Variants in REEP5 observed in about 807,000 individuals in gnomAD.
REEP5 encodes the protein receptor accessory protein 5, also known as receptor expression-enhancing protein 5.
In REEP5, 24 loss-of-function variants were observed where a neutral mutation model predicts 22.4. That is an observed-to-expected ratio of 1.07 (90% CI 0.78 to 1.51). The LOEUF is 1.51. Ranked by LOEUF, REEP5 falls within the 40% of genes most tolerant of loss-of-function variation. The pLI, the probability that REEP5 is intolerant of heterozygous loss-of-function variation, is 0.00. For synonymous variants in REEP5, 103 were observed against 88.6 expected, an observed-to-expected ratio of 1.16 and a Z score of -0.92; for missense variants, 252 against 233.0, an observed-to-expected ratio of 1.08 and a Z score of -0.53.
At chr5:112,879,339 G>C (rs1321409550) in intron 4 of REEP5, among the ~76,000 whole-genome samples, 1 of 81,272 alleles carries the variant, frequency 1.2e-5, no homozygotes, top group South Asian at 3.8e-4. Flanking sequence ...GGGGGGGGCT[G>C]GGGGGGCGGT....
At chr5:112,883,128 G>A (rs1246709920) in intron 4 of REEP5, among the ~76,000 whole-genome samples, 1 of 152,056 alleles carries the variant, frequency 6.6e-6, no homozygotes, top group African/African-American at 2.4e-5. Context: ...CCTACCTTAA[G>A]AAAAAAACTT....
intron 4 of REEP5, 109 bp from the exon 5 acceptor site, chr5:112,878,944 A>T: frequency 6.5e-7 from 1 of 1,547,090 alleles, no homozygotes; most frequent in Non-Finnish European, 8.9e-7. Flanking sequence ...AACTTGGATG[A>T]CTCATGTTCA....
intron 4 of REEP5, chr5:112,885,138 T>G (rs114189993): frequency 1.3e-4 from 22 of 168,034 alleles, no homozygotes; most frequent in Non-Finnish European, 2.8e-4. Context: ...TGCTACAGCC[T>G]TGGCCAGCTA....
intron 3 of REEP5, among the ~76,000 whole-genome samples, chr5:112,898,999 A>G (rs1466138960): frequency 6.6e-6 from 1 of 152,202 alleles, no homozygotes; most frequent in Non-Finnish European, 1.5e-5. Context: ...TTTAAACTTT[A>G]AAAGACACTC....
intron 4 of REEP5, chr5:112,885,490 T>C (rs1037404368): frequency 2.0e-5 from 4 of 199,574 alleles, no homozygotes; most frequent in Admixed American, 5.7e-5. Context: ...ATGCTTGACA[T>C]CCCTAACTAG....
At chr5:112,914,535 A>G (rs1278291949) in intron 2 of REEP5, among the ~76,000 whole-genome samples, 1 of 152,198 alleles carries the variant, frequency 6.6e-6, no homozygotes, top group African/African-American at 2.4e-5. Context: ...ATGGTAAAAA[A>G]GATTAATGCC....
intron 2 of REEP5, among the ~76,000 whole-genome samples, chr5:112,911,429 T>A (rs6594652): frequency 0.052 from 7,977 of 152,288 alleles, 519 homozygotes; most frequent in East Asian, 0.16. Context: ...TTGCTGAGGT[T>A]TCATCTATCA....
rs1769388893 is a variant in REEP5 at position 112,922,165 on chromosome 5, A to C, written c.26T>G (p.Phe9Cys). The change falls in exon 1 of 5, where the codon TTC (phenylalanine) becomes TGC (cysteine). Residue 9 changes from phenylalanine to cysteine, a missense_variant. Coordinates refer to ENST00000379638, the MANE Select transcript of REEP5 (RefSeq NM_005669.5). MSAAMRER[F>C]DRFLHEKNCM... ...GTTCTTCTCGTGCAGGAACCGGTCG[A>C]ACCTCTCCCTCATGGCCGCAGACAT... The C allele has an allele frequency of 6.2e-7, 1 of 1,607,836 alleles. No individual in the cohort carries two copies. Among genetic ancestry groups the C allele is most frequent in the Admixed American group, 1.7e-5 (1 of 59,188 alleles).
intron 3 of REEP5, chr5:112,892,135 G>A (rs1372268486): frequency 1.2e-5 from 20 of 1,614,074 alleles, no homozygotes; most frequent in Non-Finnish European, 1.7e-5. Flanking sequence ...ACCACCCGTG[G>A]ATTTCAGAGT....
intron 3 of REEP5, among the ~76,000 whole-genome samples, chr5:112,888,796 G>A (rs899145824): frequency 6.6e-6 from 1 of 150,844 alleles, no homozygotes; most frequent in African/African-American, 2.5e-5. Flanking sequence ...CAAGGTGCAA[G>A]GATTGCTTGG....
In REEP5 at chr5:112,883,207, A is replaced by G. The variant is rs188606206; in HGVS notation, c.520+3808T>C. ...ATTCTTCTGCTCTCCTTTGCAGGAA[A>G]TTTCTCAAAAGAAAGATCTATATTC... On this transcript the variant is annotated intron_variant, in intron 4 of 4. Transcript: ENST00000379638. Among the ~76,000 whole-genome samples, 41 of 152,280 alleles carry G rather than the reference A, an allele frequency of 2.7e-4. No individual in the cohort carries two copies. In the East Asian group the frequency reaches 7.3e-3, roughly 27 times the overall value.
chr5:112,899,421 A>C (rs1768793064), intron 3 of REEP5, among the ~76,000 whole-genome samples: 1 of 152,182 alleles, frequency 6.6e-6, no homozygotes, highest in South Asian at 2.1e-4. Context: ...CTGGGATTAC[A>C]GGCAAAAGCT....
intron 3 of REEP5, chr5:112,892,908 C>A (rs774201641): frequency 1.2e-6 from 2 of 1,608,592 alleles, no homozygotes; most frequent in Non-Finnish European, 1.7e-6. Flanking sequence ...GGGAGAGGCA[C>A]AATTCACCAA....
intron 4 of REEP5, 89 bp from the exon 5 acceptor site, chr5:112,878,924 T>G: frequency 1.1e-5 from 17 of 1,572,110 alleles, no homozygotes; most frequent in Non-Finnish European, 1.4e-5. Flanking sequence ...ATGTAGCTAC[T>G]AGATAACAAA....
intron 3 of REEP5, chr5:112,892,932 T>C (rs1321397460): frequency 2.4e-5 from 38 of 1,601,186 alleles, no homozygotes; most frequent in Middle Eastern, 1.7e-4. Flanking sequence ...GAGGAAGAAA[T>C]AGGCACCGCA....
chr5:112,889,479 A>G (rs1425899865), intron 3 of REEP5, among the ~76,000 whole-genome samples: 1 of 150,926 alleles, frequency 6.6e-6, no homozygotes, highest in African/African-American at 2.5e-5. Flanking sequence ...CAATTCACCA[A>G]GAATATTAAA....
chr5:112,886,172 C>T (rs818427), intron 4 of REEP5, among the ~76,000 whole-genome samples: 44,214 of 152,090 alleles, frequency 0.29, 6,717 homozygotes, highest in Non-Finnish European at 0.33. Context: ...GAGAAGCCTG[C>T]CTGCGCTTCA....
intron 2 of REEP5, among the ~76,000 whole-genome samples, chr5:112,905,517 G>T (rs1227668251): frequency 6.6e-6 from 1 of 150,578 alleles, no homozygotes. Flanking sequence ...CTCCAGCCTG[G>T]GTGACAGAGC....
chr5:112,889,108 T>C (rs1210955673), intron 3 of REEP5, among the ~76,000 whole-genome samples: 1 of 150,886 alleles, frequency 6.6e-6, no homozygotes, highest in Non-Finnish European at 1.5e-5. Flanking sequence ...TCCACAACCA[T>C]GTGGAACTGT....
Sources: gnomAD v4.1 joint callset for allele counts (sites outside exome capture counted in the v4.1 genomes callset) on GRCh38, gnomAD v4.1.1 for gene constraint, MANE v1.5 for transcripts, NCBI Gene and HGNC (gene_info 2026-07-23, HGNC 2026-07-21) for gene names.